The following CCDC40 variants were observed in gnomAD, a reference collection of about 807,000 sequenced individuals.
CCDC40 encodes coiled-coil domain-containing protein 40.
A neutral mutation model predicts 124.5 loss-of-function variants in CCDC40; 104 were observed. The observed-to-expected ratio is 0.84, with a 90% CI of 0.71 to 0.98. The LOEUF (loss-of-function observed/expected upper bound fraction) is 0.98, where lower values mean the gene tolerates loss of function less well. CCDC40 is among the 50% of genes least tolerant of loss of function. CCDC40 has a pLI of 0.00. For synonymous variants in CCDC40, 580 were observed against 602.9 expected, an observed-to-expected ratio of 0.96 and a Z score of 0.56; for missense variants, 1,463 against 1,503.9, an observed-to-expected ratio of 0.97 and a Z score of 0.45.
At chr17:80,070,382 C>T (rs1178954052) in intron 10 of CCDC40, among the ~76,000 whole-genome samples, 2 of 152,190 alleles carry the variant, frequency 1.3e-5, no homozygotes, top group East Asian at 3.8e-4. Context: ...ATCCCTTAAG[C>T]CCAGGAGTTC....
intron 9 of CCDC40, among the ~76,000 whole-genome samples, chr17:80,063,687 A>G (rs1252375419): frequency 2.0e-5 from 3 of 152,184 alleles, no homozygotes; most frequent in Admixed American, 2.0e-4. Context: ...TGCATCCAAT[A>G]GACACCTGCA....
Position 80,081,554 on chromosome 17 carries a change from A to G in CCDC40, c.1571A>G (p.Gln524Arg). ...RAVLEALRGC[Q>R]HQAKSTDGEI... ...CCGCTGCATTTCTACAGAGGATGCC[A>G]GCATCAAGCCAAATCCACCGACGGC... The change falls in exon 11 of 20, where the codon CAG becomes CGG. Residue 524 changes from glutamine to arginine, a missense_variant. By Grantham distance (43) the Gln-to-Arg change is conservative (BLOSUM62 1). Transcript: ENST00000397545. 1 of 1,613,608 alleles carries G rather than the reference A, an allele frequency of 6.2e-7. No individual in the cohort carries two copies. The highest frequency in any genetic ancestry group is 8.5e-7 in the Non-Finnish European group (1 of 1,180,044).
At chr17:80,098,620 G>A (rs1461221009) in intron 19 of CCDC40, among the ~76,000 whole-genome samples, 1 of 152,172 alleles carries the variant, frequency 6.6e-6, no homozygotes, top group Non-Finnish European at 1.5e-5. Context: ...GCCTGGCACT[G>A]GGCCTGACAC....
chr17:80,065,370 A>C, intron 9 of CCDC40, 115 bp from the exon 10 acceptor site: 5 of 1,350,666 alleles, frequency 3.7e-6, no homozygotes, highest in Non-Finnish European at 5.3e-6. Flanking sequence ...CAAGGAAAGT[A>C]CCGGTGATAG....
intron 18 of CCDC40, among the ~76,000 whole-genome samples, chr17:80,095,872 G>C (rs899132082): frequency 3.9e-5 from 6 of 152,246 alleles, no homozygotes; most frequent in African/African-American, 1.2e-4. Flanking sequence ...AGCTCATGCT[G>C]GGGAGCCCGA....
At chr17:80,056,016 A>ATATATATATATATT (rs71163913) in intron 7 of CCDC40, among the ~76,000 whole-genome samples, 3 of 10,250 alleles carry the variant, frequency 2.9e-4, no homozygotes, top group African/African-American at 1.1e-3. Context: ...ATATATATAT[A>ATATATATATATATT]TTTTTTTTTT....
chr17:80,068,600 T>G (rs2038109943), intron 10 of CCDC40, among the ~76,000 whole-genome samples: 1 of 151,958 alleles, frequency 6.6e-6, no homozygotes, highest in African/African-American at 2.4e-5. Flanking sequence ...TGGCTGATGG[T>G]CAGGATGGTG....
At chr17:80,055,780 GCC>G (rs2037718563) in intron 7 of CCDC40, among the ~76,000 whole-genome samples, 1 of 151,372 alleles carries the variant, frequency 6.6e-6, no homozygotes, top group Non-Finnish European at 1.5e-5. Context: ...AGCCACCAGG[GCC>G]CTCCGCAGAG....
rs1283078428 is a variant in CCDC40 at position 80,087,934 on chromosome 17, G to A, written c.2620-77G>A. 15 of 1,325,194 alleles carry A rather than the reference G, an allele frequency of 1.1e-5. No homozygotes were observed. Among genetic ancestry groups the A allele is most frequent in the South Asian group, 4.7e-5 (4 of 85,310 alleles). The allele number at this position is 1,325,194 out of a possible 1,614,324, so 82.1% of individuals were successfully genotyped here. ...AGCCTGCAGCCCTGCCCTCGGTGCC[G>A]GGATAGAGGGCACCAGCCCCGGCAT... is the stretch of plus-strand genomic sequence containing the variant. On this transcript the variant is annotated intron_variant, in intron 15 of 19. Coordinates refer to ENST00000397545, the MANE Select transcript of CCDC40 (RefSeq NM_017950.4). This position sits in a 1 kb window ranked among gnomAD's most constrained non-coding sequence, Gnocchi z 4.5.
At chr17:80,051,623 C>T (rs796954888) in intron 7 of CCDC40, among the ~76,000 whole-genome samples, 51 of 97,684 alleles carry the variant, frequency 5.2e-4, no homozygotes, top group African/African-American at 2.0e-3. Context: ...AGCGAGACTC[C>T]GTCTCAAAAA....
At chr17:80,037,648 T>C (rs1264145081) in intron 1 of CCDC40, among the ~76,000 whole-genome samples, 1 of 143,320 alleles carries the variant, frequency 7.0e-6, no homozygotes, top group African/African-American at 2.6e-5. Context: ...CTATATTCCT[T>C]TGACAGATAA....
intron 17 of CCDC40, chr17:80,090,486 C>T (rs1171806917): frequency 6.6e-6 from 10 of 1,511,550 alleles, no homozygotes; most frequent in Admixed American, 2.0e-5. Context: ...CACACAAGCA[C>T]GTGCATGTCA....
intron 7 of CCDC40, among the ~76,000 whole-genome samples, chr17:80,051,707 G>A (rs2037602383): frequency 6.6e-6 from 1 of 150,806 alleles, no homozygotes; most frequent in Non-Finnish European, 1.5e-5. Context: ...ACAGTAAAAG[G>A]AAAGAAAGTG....
Position 80,058,405 on chromosome 17 carries a change from C to T in CCDC40, c.1160-89C>T, listed in dbSNP as rs1054402128. On this transcript the variant is annotated intron_variant, in intron 7 of 19. Coordinates refer to ENST00000397545, the MANE Select transcript of CCDC40 (RefSeq NM_017950.4). This position sits in a 1 kb window ranked among gnomAD's most constrained non-coding sequence, Gnocchi z 4.2. The stretch of plus-strand genomic sequence containing the variant: ...GGAAGGGTGCCCAGAACGGCTGTTC[C>T]CTGCTTCCTCCTGGGTCTCTGCATG... 3.1e-6 allele frequency: 4 copies of T among 1,276,958 alleles called. No homozygotes were observed. Among genetic ancestry groups the T allele is most frequent in the Non-Finnish European group, 3.4e-6 (3 of 885,716 alleles). The allele number at this position is 1,276,958 out of a possible 1,614,324, so 79.1% of individuals were successfully genotyped here. A position where few individuals can be genotyped will look rare whatever the true frequency, so the allele number is the denominator to read the frequency against.
chr17:80,065,376 G>A (rs2038015942), intron 9 of CCDC40, 109 bp from the exon 10 acceptor site: 3 of 1,438,900 alleles, frequency 2.1e-6, no homozygotes, highest in South Asian at 2.3e-5. Flanking sequence ...AAGTACCGGT[G>A]ATAGAAGGAA....
At chr17:80,083,634 T>C (rs1451693384) in intron 12 of CCDC40, among the ~76,000 whole-genome samples, 1 of 152,166 alleles carries the variant, frequency 6.6e-6, no homozygotes, top group Non-Finnish European at 1.5e-5. Context: ...CAGAGCAGCT[T>C]TGGCCACACC....
intron 10 of CCDC40, chr17:80,067,894 A>C: frequency 1.2e-5 from 16 of 1,358,246 alleles, no homozygotes; most frequent in Non-Finnish European, 1.5e-5. Context: ...TAAAACGTGC[A>C]TGCGCAGAAT....
At chr17:80,095,510 A>G (rs1328684480) in intron 18 of CCDC40, 59 bp downstream of exon 18, 6 of 1,553,468 alleles carry the variant, frequency 3.9e-6, no homozygotes, top group Non-Finnish European at 5.3e-6. Context: ...TTCAAGGAAC[A>G]CTCCAGGAAG....
rs114587508 is a variant in CCDC40, at chr17:80,065,730, G to C, written c.1562+124G>C. The C allele has an allele frequency of 2.8e-5, 37 of 1,332,262 alleles. No homozygotes were observed. In the South Asian group the frequency reaches 3.5e-4, roughly 13 times the overall value. The allele number at this position is 1,332,262 out of a possible 1,614,324, so 82.5% of individuals were successfully genotyped here. On this transcript the variant is annotated intron_variant, in intron 10 of 19. Coordinates refer to ENST00000397545, the MANE Select transcript of CCDC40 (RefSeq NM_017950.4). The stretch of plus-strand genomic sequence containing the variant: ...GGACAGAGGGTGCACCTTGATCCCC[G>C]GGTCCGGGCTTCCGTCCGGAAAGCT...
Sources: allele counts gnomAD v4.1 joint callset (sites outside exome capture counted in the v4.1 genomes callset), GRCh38; gene constraint gnomAD v4.1.1; non-coding constraint Gnocchi (gnomAD v3.1); transcripts MANE v1.5; gene names NCBI Gene and HGNC (gene_info 2026-07-23, HGNC 2026-07-21).